Variants in ZFP1 observed in about 807,000 individuals in gnomAD.
ZFP1 encodes ZFP1 zinc finger protein.
A neutral mutation model predicts 38.5 loss-of-function variants in ZFP1; 32 were observed. The observed-to-expected ratio is 0.83, with a 90% CI of 0.63 to 1.12. ZFP1 has a LOEUF of 1.12. ZFP1 is among the 50% of genes most tolerant of loss of function. The pLI is 0.00. For synonymous variants in ZFP1, 245 were observed against 168.8 expected, an observed-to-expected ratio of 1.45 and a Z score of -3.50; for missense variants, 616 against 480.8, an observed-to-expected ratio of 1.28 and a Z score of -2.63.
intron 2 of ZFP1, among the ~76,000 whole-genome samples, chr16:75,161,757 A>ATAGTAGTTTTATGAAATATATATATAT (rs2037787932): frequency 7.0e-5 from 1 of 14,302 alleles, no homozygotes; most frequent in African/African-American, 2.7e-4. Flanking sequence ...AGTTTTATGA[A>ATAGTAGTTTTATGAAATATATATATAT]ATATATATAT....
At chr16:75,133,023 G>C in the ZFP1 span, among the ~76,000 whole-genome samples, 1 of 151,360 alleles carries the variant, frequency 6.6e-6, no homozygotes, top group South Asian at 2.1e-4. Context: ...TGTCACCCAG[G>C]CTGGAGTGCA....
At chr16:75,134,325 A>T in the ZFP1 span, among the ~76,000 whole-genome samples, 11 of 152,186 alleles carry the variant, frequency 7.2e-5, no homozygotes, top group Non-Finnish European at 1.0e-4. Context: ...TTCAATAATT[A>T]GTTTATTAAT....
the ZFP1 span, among the ~76,000 whole-genome samples, chr16:75,140,114 C>T: frequency 8.2e-4 from 125 of 151,958 alleles, no homozygotes; most frequent in Non-Finnish European, 1.5e-3. Flanking sequence ...ACTAAAAACA[C>T]AAAACTAGCC....
chr16:75,124,731 G>A, the ZFP1 span, among the ~76,000 whole-genome samples: 570 of 144,370 alleles, frequency 3.9e-3, 4 homozygotes, highest in Non-Finnish European at 6.3e-3. Context: ...AGCTTGCGGC[G>A]AGCTGAGATG....
chr16:75,124,367 C>G, the ZFP1 span, among the ~76,000 whole-genome samples: 1 of 150,978 alleles, frequency 6.6e-6, no homozygotes, highest in Non-Finnish European at 1.5e-5. Flanking sequence ...GCCATGTTAG[C>G]CAGGCTGGTC....
chr16:75,131,523 T>C, the ZFP1 span, among the ~76,000 whole-genome samples: 2 of 152,076 alleles, frequency 1.3e-5, no homozygotes, highest in African/African-American at 4.8e-5. Context: ...TCGTTTTTCT[T>C]CCCATCAAAT....
chr16:75,120,526 T>C, the ZFP1 span, among the ~76,000 whole-genome samples: 1 of 151,578 alleles, frequency 6.6e-6, no homozygotes, highest in African/African-American at 2.4e-5. Context: ...GGGTTTTTTT[T>C]TGTTTTTTTT....
intron 3 of ZFP1, 64 bp from the exon 4 acceptor site, chr16:75,169,189 C>A: frequency 6.6e-7 from 1 of 1,515,674 alleles, no homozygotes; most frequent in Non-Finnish European, 8.8e-7. Flanking sequence ...TGAAGACTTC[C>A]CATTCGGTAA....
At chr16:75,165,774 C>G (rs972322315) in intron 2 of ZFP1, among the ~76,000 whole-genome samples, 8 of 151,674 alleles carry the variant, frequency 5.3e-5, no homozygotes, top group Non-Finnish European at 1.2e-4. Flanking sequence ...AAAACTATAG[C>G]CTGGTGTGGG....
intron 2 of ZFP1, among the ~76,000 whole-genome samples, chr16:75,157,661 G>A (rs1024802089): frequency 6.6e-6 from 1 of 152,104 alleles, no homozygotes; most frequent in African/African-American, 2.4e-5. Flanking sequence ...TGCATATATG[G>A]TTATGGATGT....
Position 75,170,259 on chromosome 16 carries a change from C to T in ZFP1, c.1149C>T (p.Ser383=), listed in dbSNP as rs542433829. Residue 383 remains serine, a synonymous_variant, in exon 4 of 4, where the codon TCC becomes TCT. Coordinates refer to ENST00000570010, the MANE Select transcript of ZFP1 (RefSeq NM_153688.4). ...CAGGAGAGAAACCATATGAGTGTTC[C>T]GAATGTGGGAAGGCCTTTAGCAGGA... is the stretch of plus-strand genomic sequence containing the variant. ...IHTGEKPYEC[S]ECGKAFSRKS... 38 of 1,613,500 alleles carry T rather than the reference C, an allele frequency of 2.4e-5. No individual in the cohort carries two copies. Among genetic ancestry groups the T allele is most frequent in the African/African-American group, 6.7e-5 (5 of 74,974 alleles).
chr16:75,123,481 A>G, the ZFP1 span, among the ~76,000 whole-genome samples: 19,041 of 124,620 alleles, frequency 0.15, 2,872 homozygotes, highest in East Asian at 0.56. Context: ...ATATATATAT[A>G]TATATATATA....
intron 2 of ZFP1, among the ~76,000 whole-genome samples, chr16:75,156,417 A>G (rs931900516): frequency 6.6e-6 from 1 of 152,084 alleles, no homozygotes; most frequent in African/African-American, 2.4e-5. Context: ...AGATCATGCT[A>G]CTGCACTCCA....
chr16:75,147,647 A>G (rs151295615), upstream of ZFP1, among the ~76,000 whole-genome samples: 1 of 152,032 alleles, frequency 6.6e-6, no homozygotes, highest in Admixed American at 6.6e-5. Flanking sequence ...CTGGTGTGGG[A>G]TATCAACTTT....
In ZFP1 at chr16:75,170,176, G is replaced by T; in HGVS notation, c.1066G>T (p.Glu356Ter). 1 of 1,614,200 alleles carries T rather than the reference G, an allele frequency of 6.2e-7. No individual in the cohort carries two copies. The highest frequency in any genetic ancestry group is 2.2e-5 in the East Asian group (1 of 44,882). ...AGGAGAGAAACCCTATGAATGTACT[G>T]AGTGCGGCAAAACTTTCAGCCAGAG... ...HTGEKPYECT[E>*]CGKTFSQRST... The change falls in exon 4 of 4, where the codon GAG becomes TAG. Residue 356 changes from glutamate (E) to a stop codon, truncating the protein, a stop_gained. Coordinates refer to ENST00000570010, the MANE Select transcript of ZFP1 (RefSeq NM_153688.4). LOFTEE classifies it high-confidence loss of function.
intron 2 of ZFP1, among the ~76,000 whole-genome samples, chr16:75,153,362 G>A (rs971373399): frequency 5.9e-5 from 9 of 152,332 alleles, no homozygotes; most frequent in South Asian, 2.1e-4. Context: ...AGAGAATGCA[G>A]TAAATATGTG....
the ZFP1 span, among the ~76,000 whole-genome samples, chr16:75,134,944 C>G: frequency 6.6e-6 from 1 of 151,756 alleles, no homozygotes; most frequent in Admixed American, 6.6e-5. Flanking sequence ...ATCCCAGCTA[C>G]TCGGGAGGCT....
At chr16:75,123,721 G>T in the ZFP1 span, among the ~76,000 whole-genome samples, 2 of 150,780 alleles carry the variant, frequency 1.3e-5, no homozygotes, top group Non-Finnish European at 3.0e-5. Context: ...CAGGCAATCT[G>T]TCCACCTCAG....
the ZFP1 span, among the ~76,000 whole-genome samples, chr16:75,120,245 G>GA: frequency 9.2e-5 from 14 of 152,200 alleles, no homozygotes; most frequent in African/African-American, 3.1e-4. Flanking sequence ...TTTTTTGAGC[G>GA]AAAGTTTTTT....
Sources: gnomAD v4.1 joint callset for allele counts (sites outside exome capture counted in the v4.1 genomes callset) on GRCh38, gnomAD v4.1.1 for gene constraint, MANE v1.5 for transcripts, NCBI Gene and HGNC (gene_info 2026-07-23, HGNC 2026-07-21) for gene names.